The following FAF1 variants were observed in gnomAD, a reference collection of about 807,000 sequenced individuals.
The protein encoded by FAF1 is FAS-associated factor 1.
In FAF1, 25 loss-of-function variants were observed where a neutral mutation model predicts 92.5. That is an observed-to-expected ratio of 0.27 (90% confidence interval 0.20 to 0.38). The LOEUF is 0.38. Ranked by LOEUF, FAF1 falls within the 10% of genes least tolerant of loss-of-function variation. FAF1 has a pLI of 1.00. For missense variants in FAF1, 636 were observed against 793.3 expected (o/e 0.80, Z 2.38); for synonymous variants, 234 against 273.2 (o/e 0.86, Z 1.42).
intron 1 of FAF1, among the ~76,000 whole-genome samples, chr1:50,952,273 G>A (rs1446437796): frequency 6.6e-6 from 1 of 152,158 alleles, no homozygotes; most frequent in Non-Finnish European, 1.5e-5. Context: ...ACGCCTGACT[G>A]GTTTTCGTAT....
chr1:50,803,209 T>C (rs1057080893), intron 2 of FAF1, among the ~76,000 whole-genome samples: 1 of 152,216 alleles, frequency 6.6e-6, no homozygotes, highest in Non-Finnish European at 1.5e-5. Context: ...GTATCTCCTT[T>C]ACTAAGTAAC....
At chr1:50,695,536 C>G (rs1657158020) in intron 7 of FAF1, among the ~76,000 whole-genome samples, 1 of 151,988 alleles carries the variant, frequency 6.6e-6, no homozygotes, top group Non-Finnish European at 1.5e-5. Context: ...TTAAGAGGTC[C>G]CACAGGTATA....
chr1:50,944,093 G>A (rs1481010297), intron 1 of FAF1, among the ~76,000 whole-genome samples: 1 of 152,194 alleles, frequency 6.6e-6, no homozygotes, highest in Non-Finnish European at 1.5e-5. Context: ...CTACCCCACA[G>A]AATCTGAGTG....
At chr1:50,803,192 T>A (rs75392349) in intron 2 of FAF1, among the ~76,000 whole-genome samples, 1 of 152,160 alleles carries the variant, frequency 6.6e-6, no homozygotes, top group Admixed American at 6.5e-5. Context: ...ATTGGTTCCA[T>A]GTACATGTAT....
chr1:50,922,781 T>C (rs1162708799), intron 1 of FAF1, among the ~76,000 whole-genome samples: 1 of 135,834 alleles, frequency 7.4e-6, no homozygotes, highest in Middle Eastern at 4.4e-3. Flanking sequence ...ATCACGCCAT[T>C]GCACTCCAGC....
chr1:50,747,205 T>A (rs1376045601), intron 4 of FAF1, among the ~76,000 whole-genome samples: 1 of 152,096 alleles, frequency 6.6e-6, no homozygotes, highest in Non-Finnish European at 1.5e-5. Flanking sequence ...GAATGATAGA[T>A]CCACTAAATA....
intron 6 of FAF1, among the ~76,000 whole-genome samples, chr1:50,724,228 A>T (rs1474570703): frequency 2.3e-5 from 3 of 130,472 alleles, no homozygotes; most frequent in African/African-American, 3.2e-5. Flanking sequence ...ACAGAGCAAG[A>T]CTGTCTTTCA....
At chr1:50,611,275 T>C (rs974203134) in intron 8 of FAF1, among the ~76,000 whole-genome samples, 4 of 152,242 alleles carry the variant, frequency 2.6e-5, no homozygotes, top group Non-Finnish European at 5.9e-5. Flanking sequence ...AGAATTTTCT[T>C]CTAATATTTG....
intron 8 of FAF1, among the ~76,000 whole-genome samples, chr1:50,637,672 CAT>C (rs772902400): frequency 1.3e-4 from 18 of 141,164 alleles, no homozygotes; most frequent in Admixed American, 4.2e-4. Context: ...GTGGCTCACA[CAT>C]ATATATATGT....
chr1:50,660,365 C>T (rs1414009035), intron 7 of FAF1, among the ~76,000 whole-genome samples: 1 of 152,136 alleles, frequency 6.6e-6, no homozygotes, highest in Non-Finnish European at 1.5e-5. Context: ...AGCTAAATAT[C>T]TATCAAACTA....
intron 1 of FAF1, among the ~76,000 whole-genome samples, chr1:50,955,642 A>G (rs980084504): frequency 1.1e-4 from 17 of 152,232 alleles, no homozygotes; most frequent in African/African-American, 4.1e-4. Context: ...CTGGGTATAT[A>G]TGCAAAAGAA....
At chr1:50,448,458 T>A (rs1646254795) in intron 18 of FAF1, among the ~76,000 whole-genome samples, 1 of 152,240 alleles carries the variant, frequency 6.6e-6, no homozygotes, top group African/African-American at 2.4e-5. Context: ...TTCACATTTA[T>A]GTATCCACAT....
chr1:50,689,689 C>A (rs1019299334), intron 7 of FAF1, among the ~76,000 whole-genome samples: 2 of 151,008 alleles, frequency 1.3e-5, no homozygotes, highest in Admixed American at 6.9e-5. Flanking sequence ...TGGAAGTAAC[C>A]CAAGTATCCA....
At chr1:50,894,290 C>A (rs559623439) in intron 1 of FAF1, among the ~76,000 whole-genome samples, 27 of 138,688 alleles carry the variant, frequency 1.9e-4, no homozygotes, top group African/African-American at 6.7e-4. Context: ...GACAGAGAGA[C>A]TCTGTCTCAA....
At chr1:50,844,489 G>A (rs534428747) in intron 2 of FAF1, among the ~76,000 whole-genome samples, 3 of 151,320 alleles carry the variant, frequency 2.0e-5, no homozygotes, top group East Asian at 1.9e-4. Flanking sequence ...TGGCCTTTGC[G>A]CACAGCAAAA....
At chr1:50,830,030 A>G (rs1397073347) in intron 2 of FAF1, among the ~76,000 whole-genome samples, 1 of 152,206 alleles carries the variant, frequency 6.6e-6, no homozygotes, top group East Asian at 1.9e-4. Context: ...CATCTACATC[A>G]GAGACATCTA....
chr1:50,935,373 AT>A (rs2124748432), intron 1 of FAF1, among the ~76,000 whole-genome samples: 1 of 152,304 alleles, frequency 6.6e-6, no homozygotes, highest in African/African-American at 2.4e-5. Flanking sequence ...TGTCAAGAAT[AT>A]AACATATATT....
chr1:50,719,572 A>T (rs1658323586), intron 6 of FAF1, among the ~76,000 whole-genome samples: 2 of 152,248 alleles, frequency 1.3e-5, no homozygotes, highest in African/African-American at 4.8e-5. Flanking sequence ...AAATGTATTA[A>T]CCAAAGTATG....
chr1:50,723,398 C>CAA (rs539161759), intron 6 of FAF1, among the ~76,000 whole-genome samples: 4 of 118,242 alleles, frequency 3.4e-5, no homozygotes, highest in African/African-American at 9.5e-5. Context: ...AGACTGTCTC[C>CAA]AAAAAAAAAA....
Sources: allele counts gnomAD v4.1 joint callset (sites outside exome capture counted in the v4.1 genomes callset), GRCh38; gene constraint gnomAD v4.1.1; transcripts MANE v1.5; gene names NCBI Gene and HGNC (gene_info 2026-07-23, HGNC 2026-07-21).